Variants in CACNA2D3 observed in about 807,000 individuals in gnomAD.
CACNA2D3 encodes the protein voltage-dependent calcium channel subunit alpha-2/delta-3.
Under a neutral mutation model 160.6 loss-of-function variants are expected in CACNA2D3, and 60 were observed. The observed-to-expected ratio is 0.37, with a 90% CI of 0.30 to 0.46. The LOEUF is 0.46. Among genes scored for constraint, CACNA2D3 ranks in the 20% least tolerant of loss-of-function variants. CACNA2D3 has a pLI of 1.00. For missense variants in CACNA2D3, 1,205 were observed against 1,365.0 expected (o/e 0.88, Z 1.85); for synonymous variants, 558 against 492.9 (o/e 1.13, Z -1.75).
At chr3:54,465,935 A>G (rs549546164) in intron 4 of CACNA2D3, among the ~76,000 whole-genome samples, 1 of 152,188 alleles carries the variant, frequency 6.6e-6, no homozygotes, top group East Asian at 1.9e-4. Context: ...AGGCTGTTGG[A>G]AGAATTCAGT....
At chr3:54,806,709 A>C in intron 13 of CACNA2D3, among the ~76,000 whole-genome samples, 1 of 152,152 alleles carries the variant, frequency 6.6e-6, no homozygotes, top group East Asian at 1.9e-4. Flanking sequence ...ACTACTTTAA[A>C]GTTCATATGG....
chr3:54,796,344 G>C (rs1160192114), intron 13 of CACNA2D3, among the ~76,000 whole-genome samples: 1 of 152,116 alleles, frequency 6.6e-6, no homozygotes, highest in Non-Finnish European at 1.5e-5. Context: ...AGCATGCATA[G>C]ATCCCTTAGC....
At position 54,821,697 on chromosome 3, in the gene CACNA2D3, T is replaced by TTTCTTTCTTTCTTTCTTTCCTTCC. The variant is rs753240626; in HGVS notation, c.1398+4830_1398+4831insTTTCTTTCTTTCTTTCCTTCCTTC. On this transcript the variant is annotated intron_variant, in intron 14 of 37. Transcript: ENST00000474759. ...CTTTCTTTCTTTCTTTCTTTCTTTCTTTCCTTCCTTCCTTCTTTCCTCTCT... is the reference window on the plus strand; with the variant it reads ...CTTTCTTTCTTTCTTTCTTTCTTTCTTTCTTTCTTTCTTTCTTTCCTTCCTTCCTTCCTTCCTTCTTTCCTCTCT... Among the ~76,000 whole-genome samples the TTTCTTTCTTTCTTTCTTTCCTTCC allele has an allele frequency of 2.2e-3, 187 of 84,034 alleles. 1 individual carries two copies. The highest frequency in any genetic ancestry group is 3.1e-3 in the Non-Finnish European group (133 of 42,238). The allele number at this position is 84,034 out of a possible 152,430, so 55.1% of individuals were successfully genotyped here.
chr3:55,051,532 T>A (rs1186728321), intron 35 of CACNA2D3, among the ~76,000 whole-genome samples: 2 of 151,816 alleles, frequency 1.3e-5, no homozygotes, highest in East Asian at 1.9e-4. Flanking sequence ...GACATTTAAG[T>A]CTGCAGAGGT....
intron 4 of CACNA2D3, among the ~76,000 whole-genome samples, chr3:54,393,472 A>G (rs904532005): frequency 1.3e-5 from 2 of 152,094 alleles, no homozygotes; most frequent in Non-Finnish European, 2.9e-5. Context: ...TTGCCACTGA[A>G]CCACCCTTGC....
At chr3:54,309,675 C>T (rs1014355991) in intron 2 of CACNA2D3, among the ~76,000 whole-genome samples, 4 of 152,118 alleles carry the variant, frequency 2.6e-5, no homozygotes, top group Non-Finnish European at 5.9e-5. Context: ...CAGTGCTCTC[C>T]TGAGGGGGGT....
chr3:54,644,735 A>G (rs1699601786), intron 11 of CACNA2D3, among the ~76,000 whole-genome samples: 1 of 152,218 alleles, frequency 6.6e-6, no homozygotes, highest in Admixed American at 6.5e-5. Context: ...TTCCTCTACA[A>G]CTTCTGATGC....
At chr3:54,274,055 G>C (rs62253194) in intron 2 of CACNA2D3, among the ~76,000 whole-genome samples, 4,606 of 152,158 alleles carry the variant, frequency 0.03, 103 homozygotes, top group Non-Finnish European at 0.049. Context: ...GTATACTACA[G>C]TGTGTCTTTG....
rs1700984711 is a variant in CACNA2D3, at chr3:54,925,339, A to G, written c.2449+25471A>G. The G allele has an allele frequency of 4.0e-6, 3 of 754,384 alleles. No individual in the cohort carries two copies. In the Admixed American group the frequency reaches 7.7e-5, roughly 19 times the overall value. 46.7% of individuals were successfully genotyped at this position (754,384 alleles called of 1,614,324 possible). ...CAGGTGAAACCTTCTACAACCTGCA[A>G]GAGAGGTTCTGTCACTCACCGTCTT... On this transcript the variant is annotated intron_variant, in intron 27 of 37. Transcript: ENST00000474759.
intron 5 of CACNA2D3, among the ~76,000 whole-genome samples, chr3:54,533,659 T>C (rs1701840336): frequency 6.6e-6 from 1 of 152,120 alleles, no homozygotes; most frequent in African/African-American, 2.4e-5. Context: ...CTGTCAAGCA[T>C]CATGCTCACT....
chr3:55,068,094 A>G lies in CACNA2D3; in HGVS notation c.2988-5351A>G, dbSNP rs74796174. Among the ~76,000 whole-genome samples the G allele has an allele frequency of 4.4e-3, 668 of 152,212 alleles. 6 individuals are homozygous for G. The highest frequency in any genetic ancestry group is 7.3e-3 in the Non-Finnish European group (497 of 68,018). ...CACTGATGGTGTAGCGAGGAGGACC[A>G]CACTTGAGGGTCCTCAGTCTGGAAC... On this transcript the variant is annotated intron_variant, in intron 35 of 37. Coordinates refer to ENST00000474759, the MANE Select transcript of CACNA2D3 (RefSeq NM_018398.3).
At chr3:54,534,749 G>A (rs930892157) in intron 5 of CACNA2D3, among the ~76,000 whole-genome samples, 15 of 138,584 alleles carry the variant, frequency 1.1e-4, no homozygotes, top group African/African-American at 3.2e-4. Context: ...ATGACAAAAC[G>A]TTGTCTCTAC....
chr3:54,479,117 A>T (rs952481383), intron 4 of CACNA2D3, among the ~76,000 whole-genome samples: 1 of 151,948 alleles, frequency 6.6e-6, no homozygotes, highest in Non-Finnish European at 1.5e-5. Context: ...TGTTCTCTTG[A>T]TAGTGAGTTT....
chr3:54,780,478 A>G (rs1367102350), intron 13 of CACNA2D3, among the ~76,000 whole-genome samples: 1 of 152,200 alleles, frequency 6.6e-6, no homozygotes, highest in Admixed American at 6.5e-5. Context: ...TGCTAAAGAT[A>G]TGGTTTATGG....
chr3:54,979,361 C>G (rs1458218924), intron 29 of CACNA2D3, among the ~76,000 whole-genome samples: 1 of 152,180 alleles, frequency 6.6e-6, no homozygotes, highest in African/African-American at 2.4e-5. Context: ...CCAGTTTCTC[C>G]AGTTGTATCC....
intron 13 of CACNA2D3, among the ~76,000 whole-genome samples, chr3:54,782,556 G>T (rs1702555968): frequency 1.3e-5 from 2 of 151,992 alleles, no homozygotes; most frequent in Non-Finnish European, 2.9e-5. Context: ...CAAAAGAAAA[G>T]GGAAAAGACT....
At chr3:54,309,308 C>T (rs1559445307) in intron 2 of CACNA2D3, among the ~76,000 whole-genome samples, 1 of 152,188 alleles carries the variant, frequency 6.6e-6, no homozygotes. Context: ...ACTTAATTTC[C>T]TTTATCTAAA....
intron 16 of CACNA2D3, among the ~76,000 whole-genome samples, chr3:54,841,225 G>A (rs536584752): frequency 2.0e-4 from 31 of 152,342 alleles, no homozygotes; most frequent in African/African-American, 6.3e-4. Flanking sequence ...TTCCCATGAA[G>A]TGGGGACCCT....
rs113721590 is a variant in CACNA2D3 at position 54,379,391 on chromosome 3, A to G, written c.322-7324A>G. Among the ~76,000 whole-genome samples the G allele has an allele frequency of 1.9e-3, 296 of 152,360 alleles. 1 individual carries two copies. Among genetic ancestry groups the G allele is most frequent in the Non-Finnish European group, 3.4e-3 (234 of 68,034 alleles). ...ATCACCTTGATAGTTGGTGATTTAT[A>G]TGTGCCATTTCTATTGGAATCGAAA... On this transcript the variant is annotated intron_variant, in intron 3 of 37. Transcript: ENST00000474759.
Sources: gnomAD v4.1 joint callset for allele counts (sites outside exome capture counted in the v4.1 genomes callset) on GRCh38, gnomAD v4.1.1 for gene constraint, MANE v1.5 for transcripts, NCBI Gene and HGNC (gene_info 2026-07-23, HGNC 2026-07-21) for gene names.